PPM1L: variants seen among roughly 807,000 people sequenced by gnomAD.
The protein encoded by PPM1L is protein phosphatase, Mg2+/Mn2+ dependent 1L.
A neutral mutation model predicts 31.4 loss-of-function variants in PPM1L; 13 were observed. That is an observed-to-expected ratio of 0.41 (90% confidence interval 0.27 to 0.66). PPM1L has a LOEUF of 0.66. PPM1L is among the 30% of genes least tolerant of loss of function. The pLI, the probability that PPM1L is intolerant of heterozygous loss-of-function variation, is 0.29. For synonymous variants in PPM1L, 184 were observed against 175.4 expected, an observed-to-expected ratio of 1.05 and a Z score of -0.39; for missense variants, 326 against 453.7, an observed-to-expected ratio of 0.72 and a Z score of 2.56.
intron 1 of PPM1L, among the ~76,000 whole-genome samples, chr3:160,936,249 C>G (rs1471659024): frequency 1.3e-5 from 2 of 152,060 alleles, no homozygotes; most frequent in Non-Finnish European, 2.9e-5. Flanking sequence ...ACCACCACGC[C>G]CGGCTAATAT....
At chr3:160,886,574 G>T (rs1211443404) in intron 1 of PPM1L, among the ~76,000 whole-genome samples, 1 of 152,110 alleles carries the variant, frequency 6.6e-6, no homozygotes, top group African/African-American at 2.4e-5. Flanking sequence ...GATGAATACG[G>T]CCTGAAGTGA....
chr3:160,942,517 A>G (rs1291255097), intron 1 of PPM1L, among the ~76,000 whole-genome samples: 1 of 152,224 alleles, frequency 6.6e-6, no homozygotes, highest in Non-Finnish European at 1.5e-5. Flanking sequence ...TAAACTGATT[A>G]TTTAAAGTTT....
At chr3:160,782,038 G>A (rs1217416244) in intron 1 of PPM1L, among the ~76,000 whole-genome samples, 3 of 152,112 alleles carry the variant, frequency 2.0e-5, no homozygotes, top group African/African-American at 7.2e-5. Context: ...ACTTTAAAGT[G>A]TATGACTCAC....
chr3:160,903,214 G>GTGTGTA (rs1713620077), intron 1 of PPM1L, among the ~76,000 whole-genome samples: 1 of 132,866 alleles, frequency 7.5e-6, no homozygotes, highest in Non-Finnish European at 1.6e-5. Context: ...ATGTTTGTGT[G>GTGTGTA]TGTGTGTGTG....
chr3:161,047,586 C>T (rs1234782798), intron 2 of PPM1L, among the ~76,000 whole-genome samples: 1 of 152,192 alleles, frequency 6.6e-6, no homozygotes, highest in Admixed American at 6.5e-5. Context: ...GAAAAAACTA[C>T]TTTAAAGTTC....
At chr3:160,980,273 C>G (rs1434325427) in intron 2 of PPM1L, among the ~76,000 whole-genome samples, 19 of 151,962 alleles carry the variant, frequency 1.3e-4, no homozygotes. Context: ...TGAACTATGG[C>G]CAAACCTCTA....
At chr3:161,007,773 T>G (rs144589116) in intron 2 of PPM1L, among the ~76,000 whole-genome samples, 188 of 152,192 alleles carry the variant, frequency 1.2e-3, no homozygotes, top group Middle Eastern at 0.01. Flanking sequence ...AGACTTTGGT[T>G]TTTACTGTGA....
At chr3:161,061,678 G>C (rs1719574651) in intron 2 of PPM1L, among the ~76,000 whole-genome samples, 2 of 152,122 alleles carry the variant, frequency 1.3e-5, no homozygotes, top group African/African-American at 4.8e-5. Context: ...GTATACAAGA[G>C]GATGTACATA....
At chr3:160,968,512 C>G (rs548230758) in intron 2 of PPM1L, among the ~76,000 whole-genome samples, 352 of 152,276 alleles carry the variant, frequency 2.3e-3, no homozygotes, top group African/African-American at 8.3e-3. Flanking sequence ...AATCTTTCCT[C>G]ATATTTATTT....
chr3:160,838,260 T>C (rs765844348), intron 1 of PPM1L, among the ~76,000 whole-genome samples: 25 of 152,182 alleles, frequency 1.6e-4, no homozygotes, highest in Non-Finnish European at 3.1e-4. Flanking sequence ...AATAGATCTC[T>C]GAGAACTTGA....
intron 2 of PPM1L, among the ~76,000 whole-genome samples, chr3:161,009,474 T>C (rs1012655696): frequency 6.6e-6 from 1 of 152,216 alleles, no homozygotes; most frequent in African/African-American, 2.4e-5. Flanking sequence ...CTATAATGTT[T>C]TATCTCAATG....
intron 2 of PPM1L, among the ~76,000 whole-genome samples, chr3:161,050,794 T>G (rs1482270540): frequency 6.6e-6 from 1 of 152,202 alleles, no homozygotes; most frequent in Non-Finnish European, 1.5e-5. Context: ...TTTTGCTACT[T>G]TAAGTAATTC....
At chr3:160,917,142 A>T (rs1441900622) in intron 1 of PPM1L, among the ~76,000 whole-genome samples, 1 of 152,174 alleles carries the variant, frequency 6.6e-6, no homozygotes, top group Non-Finnish European at 1.5e-5. Flanking sequence ...GTAATTTATC[A>T]TCTGCCCTTA....
intron 2 of PPM1L, among the ~76,000 whole-genome samples, chr3:160,968,441 C>G (rs958548604): frequency 6.6e-6 from 1 of 152,102 alleles, no homozygotes; most frequent in Admixed American, 6.5e-5. Context: ...CATCATCAAC[C>G]TAAATATTTA....
intron 1 of PPM1L, chr3:160,842,315 A>G (rs1489628736): frequency 2.8e-6 from 2 of 702,414 alleles, no homozygotes; most frequent in Middle Eastern, 2.3e-4. Flanking sequence ...GTTTGGCTCT[A>G]ATAGAGGACT....
chr3:160,777,355 G>A lies in PPM1L; in HGVS notation c.399+20648G>A, dbSNP rs562668528. On this transcript the variant is annotated intron_variant, in intron 1 of 3. Transcript: ENST00000498165. ...ATTAAGTACATAATTTTTGATATGTGCTCTTTTTAAATTGTAAAAATCATG... is the reference window on the plus strand; with the variant it reads ...ATTAAGTACATAATTTTTGATATGTACTCTTTTTAAATTGTAAAAATCATG... Among the ~76,000 whole-genome samples the A allele has an allele frequency of 5.9e-5, 9 of 152,142 alleles. No individual in the cohort carries two copies. The South Asian group carries it at 1.9e-3, about 32-fold the overall frequency.
intron 2 of PPM1L, among the ~76,000 whole-genome samples, chr3:161,038,073 A>C (rs1202619538): frequency 2.0e-5 from 3 of 151,680 alleles, no homozygotes; most frequent in Admixed American, 6.6e-5. Flanking sequence ...CTCTACTAAA[A>C]AATACGAAAA....
chr3:160,827,658 A>G (rs1563386), intron 1 of PPM1L, among the ~76,000 whole-genome samples: 1,777 of 152,238 alleles, frequency 0.012, 15 homozygotes, highest in Non-Finnish European at 0.018. Context: ...GATAGCTATT[A>G]GACTGTGTTT....
At chr3:160,864,951 T>C (rs1268595638) in intron 1 of PPM1L, among the ~76,000 whole-genome samples, 1 of 152,236 alleles carries the variant, frequency 6.6e-6, no homozygotes, top group Non-Finnish European at 1.5e-5. Context: ...TAATCTACCA[T>C]GTGTTGTCTG....
Sources: allele counts gnomAD v4.1 joint callset (sites outside exome capture counted in the v4.1 genomes callset), GRCh38; gene constraint gnomAD v4.1.1; transcripts MANE v1.5; gene names NCBI Gene and HGNC (gene_info 2026-07-23, HGNC 2026-07-21).